SKOR2: variants seen among roughly 807,000 people sequenced by gnomAD.
SKOR2 encodes the protein SKI family transcriptional corepressor 2, also known as LBX1 corepressor 1-like protein.
In SKOR2, 47 loss-of-function variants were observed where a neutral mutation model predicts 69.1. The observed-to-expected ratio is 0.68, with a 90% confidence interval of 0.54 to 0.87. The LOEUF (loss-of-function observed/expected upper bound fraction) is 0.87, where lower values mean the gene tolerates loss of function less well. Among genes scored for constraint, SKOR2 ranks in the 40% least tolerant of loss-of-function variants. The pLI is 0.00. For synonymous variants in SKOR2, 717 were observed against 672.6 expected (o/e 1.07, Z -1.02); for missense variants, 1,404 against 1,472.2 (o/e 0.95, Z 0.76).
chr18:47,235,094 A>G (rs539623177), intron 4 of SKOR2, among the ~76,000 whole-genome samples: 3 of 152,076 alleles, frequency 2.0e-5, no homozygotes, highest in East Asian at 1.9e-4. Flanking sequence ...GCCCAGTGCC[A>G]TGGCTCACAC....
At position 47,245,478 on chromosome 18, in the gene SKOR2, ATTTTT is replaced by A. The variant is rs10670977; in HGVS notation, c.2677+15_2677+19del. The stretch of plus-strand genomic sequence containing the variant: ...ATGCAGGCAAGAAAAGTGGCAGCTG[ATTTTT>A]TTTTTTTTTTTTACCTGAAAAGCTG... On this transcript the variant is annotated intron_variant, in intron 3 of 8. Coordinates refer to ENST00000425639, the MANE Select transcript of SKOR2 (RefSeq NM_001278063.4). 8.3e-5 allele frequency: 100 copies of A among 1,198,242 alleles called. 2 individuals carry two copies. Among genetic ancestry groups the A allele is most frequent in the South Asian group, 1.1e-4 (6 of 56,722 alleles). 74.2% of individuals were successfully genotyped at this position (1,198,242 alleles called of 1,614,324 possible).
chr18:47,245,210 C>T (rs1179497852), intron 3 of SKOR2, among the ~76,000 whole-genome samples: 2 of 152,118 alleles, frequency 1.3e-5, no homozygotes, highest in Non-Finnish European at 2.9e-5. Flanking sequence ...ATTTATGTAA[C>T]TGTGTATGTT....
intron 4 of SKOR2, among the ~76,000 whole-genome samples, chr18:47,242,016 C>T (rs1194430347): frequency 6.6e-6 from 1 of 152,192 alleles, no homozygotes; most frequent in Non-Finnish European, 1.5e-5. Flanking sequence ...ATATGAACAC[C>T]GATCCTGACT....
chr18:47,211,365 C>A (rs1156530876), intron 8 of SKOR2, among the ~76,000 whole-genome samples: 1 of 152,142 alleles, frequency 6.6e-6, no homozygotes, highest in Non-Finnish European at 1.5e-5. Context: ...TATATTGTTA[C>A]AGAAACAATG....
At chr18:47,226,565 C>T (rs141616749) in intron 6 of SKOR2, among the ~76,000 whole-genome samples, 203 of 152,236 alleles carry the variant, frequency 1.3e-3, no homozygotes, top group African/African-American at 4.1e-3. Flanking sequence ...CTACCCGGTT[C>T]GTTGATTAAA....
intron 4 of SKOR2, among the ~76,000 whole-genome samples, chr18:47,239,646 T>C (rs1466861975): frequency 6.6e-6 from 1 of 152,230 alleles, no homozygotes; most frequent in Admixed American, 6.5e-5. Flanking sequence ...TTTTTTTTCC[T>C]GGACATTTTT....
chr18:47,210,217 G>C (rs1311260265), intron 8 of SKOR2, among the ~76,000 whole-genome samples: 1 of 152,198 alleles, frequency 6.6e-6, no homozygotes, highest in East Asian at 1.9e-4. Flanking sequence ...CATCGTTGGG[G>C]GTAGGGAGTG....
chr18:47,219,881 T>C (rs2064155734), intron 7 of SKOR2, 62 bp downstream of exon 7: 2 of 1,395,986 alleles, frequency 1.4e-6, no homozygotes, highest in Non-Finnish European at 2.0e-6. Flanking sequence ...TTCATACATA[T>C]TGGGTAGTCT....
chr18:47,238,321 T>C (rs2064234162), intron 4 of SKOR2, among the ~76,000 whole-genome samples: 6 of 35,676 alleles, frequency 1.7e-4, no homozygotes, highest in Admixed American at 2.6e-4. Flanking sequence ...TTTTCTTTTC[T>C]TTTTTTTTTT....
In SKOR2 at chr18:47,247,886, G is replaced by A; in HGVS notation, c.1298C>T (p.Ala433Val). ...KKEDAGAAAE[A>V]LGGAGAGGAG... ...GCCGCCTGCGCCCGCGCCCCCCAGG[G>A]CCTCAGCGGCGGCACCCGCATCCTC... is the stretch of plus-strand genomic sequence containing the variant. The change falls in exon 2 of 9, where the codon GCC becomes GTC. Residue 433 changes from alanine to valine, a missense_variant. Around this residue, in one of 3 missense-constraint regions of SKOR2, gnomAD observed 1,266 missense variants for 1,309.9 expected, o/e 0.97. Coordinates refer to ENST00000425639, the MANE Select transcript of SKOR2 (RefSeq NM_001278063.4). This position sits in a 1 kb window ranked among gnomAD's most constrained non-coding sequence, Gnocchi z 6.6. The A allele has an allele frequency of 7.3e-7, 1 of 1,360,896 alleles. No individual in the cohort carries two copies. Among genetic ancestry groups the A allele is most frequent in the Non-Finnish European group, 9.4e-7 (1 of 1,065,390 alleles). 84.3% of individuals were successfully genotyped at this position (1,360,896 alleles called of 1,614,324 possible). A position where few individuals can be genotyped will look rare whatever the true frequency, so the allele number is the denominator to read the frequency against.
rs2064282439 is a variant in SKOR2 at position 47,247,241 on chromosome 18, T to G, written c.1943A>C (p.His648Pro). The change falls in exon 2 of 9, where the codon CAC (histidine) becomes CCC (proline). Residue 648 changes from histidine to proline, a missense_variant. This residue lies in a region of SKOR2 where 1,266 missense variants were observed against 1,309.9 expected (regional missense o/e 0.97). Coordinates refer to ENST00000425639, the MANE Select transcript of SKOR2 (RefSeq NM_001278063.4). This position sits in a 1 kb window ranked among gnomAD's most constrained non-coding sequence, Gnocchi z 6.6. ...GTGGTGGGGATGCGTCTGGGCCGAGTGGGGCGCGCCCGCCGACGCCCCGTG... is the reference window on the plus strand; with the variant it reads ...GTGGTGGGGATGCGTCTGGGCCGAGGGGGGCGCGCCCGCCGACGCCCCGTG... Reference protein sequence around the residue: ...KLHGASAGAPHSAQTHPHHHH... With the variant: ...KLHGASAGAPPSAQTHPHHHH... 6.8e-7 allele frequency: 1 copy of G among 1,465,656 alleles called. No homozygotes were observed. The highest frequency in any genetic ancestry group is 9.0e-7 in the Non-Finnish European group (1 of 1,113,704). The allele number at this position is 1,465,656 out of a possible 1,614,324, so 90.8% of individuals were successfully genotyped here.
In SKOR2 at chr18:47,212,090, T is replaced by C. The variant is rs926990132; in HGVS notation, c.3047A>G (p.Ter1016=). 9.7e-6 allele frequency: 12 copies of C among 1,231,912 alleles called. No individual in the cohort carries two copies. The Admixed American group carries it at 1.7e-4, about 17-fold the overall frequency. 76.3% of individuals were successfully genotyped at this position (1,231,912 alleles called of 1,614,324 possible). A position where few individuals can be genotyped will look rare whatever the true frequency, so the allele number is the denominator to read the frequency against. The stretch of plus-strand genomic sequence containing the variant: ...TCTTTCCTCTGGTGATCTTACCTTT[T>C]AGCTTTTGCTGAGATGGGCGCCAAG... ...EKLGAHLSKS[*] The change falls in exon 8 of 9, where the codon TAA becomes TGA. Residue 1016 remains the stop codon, a stop_retained_variant. Coordinates refer to ENST00000425639, the MANE Select transcript of SKOR2 (RefSeq NM_001278063.4).
At chr18:47,249,386 T>C (rs2064303110) in intron 1 of SKOR2, among the ~76,000 whole-genome samples, 156 bp from the exon 2 acceptor site, 1 of 152,238 alleles carries the variant, frequency 6.6e-6, no homozygotes, top group South Asian at 2.1e-4. Context: ...CACAAGAAAG[T>C]CATCTCTTAA....
Position 47,247,660 on chromosome 18 carries a change from C to T in SKOR2, c.1524G>A (p.Gln508=). ...CTGGCTCAGCCAGGTCCAGGAAGGC[C>T]TGGCGCAGCAGGGCCGGGCTTTCGC... is the stretch of plus-strand genomic sequence containing the variant. ...ALGESPALLR[Q]AFLDLAEPGG... Residue 508 remains glutamine, a synonymous_variant, in exon 2 of 9, where the codon CAG becomes CAA. Coordinates refer to ENST00000425639, the MANE Select transcript of SKOR2 (RefSeq NM_001278063.4). This position sits in a 1 kb window ranked among gnomAD's most constrained non-coding sequence, Gnocchi z 6.6. 1.5e-6 allele frequency: 2 copies of T among 1,367,516 alleles called. No individual in the cohort carries two copies. The highest frequency in any genetic ancestry group is 1.9e-6 in the Non-Finnish European group (2 of 1,064,326). The allele number at this position is 1,367,516 out of a possible 1,614,324, so 84.7% of individuals were successfully genotyped here. A position where few individuals can be genotyped will look rare whatever the true frequency, so the allele number is the denominator to read the frequency against.
chr18:47,222,981 A>G (rs976930933), intron 6 of SKOR2, among the ~76,000 whole-genome samples: 1 of 152,242 alleles, frequency 6.6e-6, no homozygotes, highest in Admixed American at 6.5e-5. Flanking sequence ...GGAGTGGGGA[A>G]GAGCATAAAA....
intron 1 of SKOR2, among the ~76,000 whole-genome samples, chr18:47,250,050 G>C (rs1457452975): frequency 6.6e-6 from 1 of 152,178 alleles, no homozygotes; most frequent in Non-Finnish European, 1.5e-5. Flanking sequence ...AAAGTAAGTA[G>C]AGGCAAGGGT....
At chr18:47,230,146 G>A (rs973413850) in intron 6 of SKOR2, among the ~76,000 whole-genome samples, 2 of 151,262 alleles carry the variant, frequency 1.3e-5, no homozygotes, top group South Asian at 2.1e-4. Flanking sequence ...ATCTATAATC[G>A]AACTATATCT....
intron 4 of SKOR2, among the ~76,000 whole-genome samples, chr18:47,234,979 T>C (rs2064216036): frequency 6.6e-6 from 1 of 151,822 alleles, no homozygotes; most frequent in African/African-American, 2.4e-5. Flanking sequence ...GCCTCAAACA[T>C]ATCTAAGACT....
chr18:47,249,012 C>A lies in SKOR2; in HGVS notation c.172G>T (p.Gly58Trp), dbSNP rs748555759. 1 of 1,546,834 alleles carries A rather than the reference C, an allele frequency of 6.5e-7. No homozygotes were observed. The change falls in exon 2 of 9, where the codon GGG (glycine) becomes TGG (tryptophan). Residue 58 changes from glycine to tryptophan, a missense_variant. Physicochemically the swap from Gly to Trp is radical, Grantham distance 184 (BLOSUM62 -2). Around this residue, in one of 3 missense-constraint regions of SKOR2, gnomAD observed 104 missense variants for 95.7 expected, o/e 1.09. Coordinates refer to ENST00000425639, the MANE Select transcript of SKOR2 (RefSeq NM_001278063.4). ...GIPIVSLVID[G>W]QERLCLAQIS... ...TGCGCCAGGCACAGGCGCTCTTGCC[C>A]GTCGATCACCAACGACACGATGGGA... is the stretch of plus-strand genomic sequence containing the variant.
Sources: gnomAD v4.1 joint callset for allele counts (sites outside exome capture counted in the v4.1 genomes callset) on GRCh38, gnomAD v4.1.1 for gene constraint, gnomAD v4.1.1 regional missense constraint, Gnocchi (gnomAD v3.1) non-coding constraint, MANE v1.5 for transcripts, NCBI Gene and HGNC (gene_info 2026-07-23, HGNC 2026-07-21) for gene names.